The following ZNF676 variants were observed in gnomAD, a reference collection of about 807,000 sequenced individuals.
ZNF676 encodes the protein zinc finger protein 676.
In ZNF676, 4 loss-of-function variants were observed where a neutral mutation model predicts 6.0. The ratio of observed to expected loss-of-function variants is 0.67; its 90% confidence interval spans 0.33 to 1.53. The LOEUF (loss-of-function observed/expected upper bound fraction) is 1.53, where lower values mean the gene tolerates loss of function less well. Among genes scored for constraint, ZNF676 ranks in the 40% most tolerant of loss-of-function variants. ZNF676 has a pLI of 0.06. For synonymous variants in ZNF676, 198 were observed against 223.1 expected, an observed-to-expected ratio of 0.89 and a Z score of 1.00; for missense variants, 644 against 679.7, an observed-to-expected ratio of 0.95 and a Z score of 0.58.
chr19:22,242,258 C>A, the ZNF676 span, among the ~76,000 whole-genome samples: 25 of 151,910 alleles, frequency 1.6e-4, no homozygotes, highest in Admixed American at 7.9e-4. Flanking sequence ...AAATCACAAT[C>A]ATTTTTGAGG....
At chr19:22,234,151 G>C in the ZNF676 span, among the ~76,000 whole-genome samples, 1 of 152,182 alleles carries the variant, frequency 6.6e-6, no homozygotes, top group South Asian at 2.1e-4. Flanking sequence ...CTTCACCACT[G>C]TCTTTCAGGG....
the ZNF676 span, among the ~76,000 whole-genome samples, chr19:22,227,541 A>C: frequency 6.6e-6 from 1 of 152,184 alleles, no homozygotes; most frequent in Non-Finnish European, 1.5e-5. Flanking sequence ...AGAGACACAA[A>C]ACACCCTTCA....
intron 2 of ZNF676, among the ~76,000 whole-genome samples, chr19:22,185,058 G>T (rs1323598943): frequency 1.3e-5 from 2 of 152,044 alleles, no homozygotes; most frequent in Non-Finnish European, 2.9e-5. Flanking sequence ...CCTGACATCC[G>T]TGTCTCCTGA....
chr19:22,239,834 G>C, the ZNF676 span, among the ~76,000 whole-genome samples: 1 of 152,136 alleles, frequency 6.6e-6, no homozygotes, highest in African/African-American at 2.4e-5. Context: ...TGTCCCCTTT[G>C]GATGGTGCAC....
intron 1 of ZNF676, among the ~76,000 whole-genome samples, chr19:22,196,220 C>A (rs550548795): frequency 6.6e-6 from 1 of 152,244 alleles, no homozygotes; most frequent in East Asian, 1.9e-4. Context: ...AGAATGTGGG[C>A]AAACTTGCTT....
At chr19:22,213,744 C>G (rs530581110) in intron 1 of ZNF676, among the ~76,000 whole-genome samples, 4 of 152,264 alleles carry the variant, frequency 2.6e-5, no homozygotes, top group African/African-American at 9.6e-5. Flanking sequence ...CTCCATATCT[C>G]TGGTTGTCTT....
rs752070262 is a variant in ZNF676 at position 22,180,304 on chromosome 19, A to C, written c.1413T>G (p.His471Gln). The change falls in exon 3 of 3, where the codon CAT (histidine) becomes CAG (glutamine). Residue 471 changes from histidine to glutamine, a missense_variant. By Grantham distance (24) the His-to-Gln change is conservative. This residue lies in a region of ZNF676 where 306 missense variants were observed against 265.4 expected (regional missense o/e 1.15). Transcript: ENST00000397121. ...CACATTTGTAAGGTTTCTCTGCAGC[A>C]TGAATTCTCTTGTGTTTAGTAAAGC... ...SSSFTKHKRI[H>Q]AAEKPYKCEE... The C allele has an allele frequency of 6.2e-7, 1 of 1,612,730 alleles. No homozygotes were observed. The highest frequency in any genetic ancestry group is 1.1e-5 in the South Asian group (1 of 91,034).
upstream of ZNF676, among the ~76,000 whole-genome samples, chr19:22,200,077 A>G (rs947915860): frequency 3.3e-5 from 5 of 152,112 alleles, no homozygotes; most frequent in African/African-American, 1.2e-4. Context: ...GTGTAGAGCC[A>G]ATGTACAATT....
chr19:22,180,474 G>C lies in ZNF676; in HGVS notation c.1243C>G (p.His415Asp). ...SSKLMEHKRIHTGEKPYKCEE... is the reference protein window; with the variant it reads ...SSKLMEHKRIDTGEKPYKCEE... The stretch of plus-strand genomic sequence containing the variant: ...CACTTGTAGGGTTTCTCTCCAGTAT[G>C]AATTCTCTTATGTTCCATGAGCTTT... Residue 415 changes from histidine (H) to aspartate (D), a missense_variant, in exon 3 of 3, where the codon CAT (histidine) becomes GAT (aspartate). His to Asp is a moderately conservative substitution (Grantham distance 81). This residue lies in a region of ZNF676 where 306 missense variants were observed against 265.4 expected (regional missense o/e 1.15). Transcript: ENST00000397121. 1 of 1,608,576 alleles carries C rather than the reference G, an allele frequency of 6.2e-7. No individual in the cohort carries two copies. The highest frequency in any genetic ancestry group is 1.7e-5 in the Admixed American group (1 of 59,274).
chr19:22,251,171 A>G, the ZNF676 span, among the ~76,000 whole-genome samples: 19 of 152,372 alleles, frequency 1.2e-4, no homozygotes, highest in African/African-American at 4.1e-4. Flanking sequence ...GAACATAGTT[A>G]TATCAAAGCC....
upstream of ZNF676, among the ~76,000 whole-genome samples, chr19:22,219,466 C>T (rs1452894796): frequency 2.6e-5 from 4 of 152,026 alleles, no homozygotes; most frequent in South Asian, 4.1e-4. Context: ...TAAACAGTGA[C>T]AATTTGACTT....
intron 2 of ZNF676, among the ~76,000 whole-genome samples, chr19:22,190,226 C>G (rs751357407): frequency 6.6e-6 from 1 of 151,942 alleles, no homozygotes; most frequent in Non-Finnish European, 1.5e-5. Context: ...TGCAGGGACA[C>G]GGATGAAGCT....
chr19:22,186,182 C>G (rs1396621728), intron 2 of ZNF676, among the ~76,000 whole-genome samples: 1 of 152,164 alleles, frequency 6.6e-6, no homozygotes, highest in Non-Finnish European at 1.5e-5. Flanking sequence ...CAGTGGATCT[C>G]TCTGCAGAAA....
chr19:22,190,660 TATATAC>T (rs1443306459), intron 2 of ZNF676, among the ~76,000 whole-genome samples: 13 of 123,272 alleles, frequency 1.1e-4, no homozygotes, highest in African/African-American at 5.9e-4. Flanking sequence ...TATATATATA[TATATAC>T]ATACACACTT....
chr19:22,194,346 A>G (rs910042652), intron 1 of ZNF676, among the ~76,000 whole-genome samples: 3 of 139,616 alleles, frequency 2.1e-5, no homozygotes, highest in Non-Finnish European at 4.8e-5. Flanking sequence ...GCAGATTGCA[A>G]GTGTGCAATG....
At chr19:22,253,512 A>ATATGATAATT in the ZNF676 span, among the ~76,000 whole-genome samples, 1 of 139,126 alleles carries the variant, frequency 7.2e-6, no homozygotes, top group South Asian at 2.4e-4. Context: ...GTGTATATAT[A>ATATGATAATT]TGTATATATA....
the ZNF676 span, among the ~76,000 whole-genome samples, chr19:22,223,328 G>A: frequency 6.6e-6 from 1 of 152,136 alleles, no homozygotes; most frequent in African/African-American, 2.4e-5. Context: ...TTGTTTTAGA[G>A]ATGAAGTCTT....
chr19:22,180,117 T>C lies in ZNF676; in HGVS notation c.1600A>G (p.Lys534Glu). Residue 534 changes from lysine (K) to glutamate (E), a missense_variant, in exon 3 of 3, where the codon AAA becomes GAA. Lys to Glu is a moderately conservative substitution (Grantham distance 56, BLOSUM62 1). Coordinates refer to ENST00000397121, the MANE Select transcript of ZNF676 (RefSeq NM_001001411.3). ...KIIHTGEKPY[K>E]CEECGKAFSR... is the part of the protein sequence containing the mutation. ...AAGGCTTTGCCACATTCTTCACATT[T>C]GTAGGGTTTCTCTCCAGTATGAATT... The C allele has an allele frequency of 6.2e-7, 1 of 1,613,898 alleles. No individual in the cohort carries two copies. The highest frequency in any genetic ancestry group is 8.5e-7 in the Non-Finnish European group (1 of 1,179,946).
At chr19:22,259,881 A>T in the ZNF676 span, 1 of 152,220 alleles carries the variant, frequency 6.6e-6, no homozygotes. Context: ...AGAGAATCAT[A>T]TCACCTTAGT....
Sources: gnomAD v4.1 joint callset for allele counts (sites outside exome capture counted in the v4.1 genomes callset) on GRCh38, gnomAD v4.1.1 for gene constraint, gnomAD v4.1.1 regional missense constraint, MANE v1.5 for transcripts, NCBI Gene and HGNC (gene_info 2026-07-23, HGNC 2026-07-21) for gene names.